Variants in CSNK2A1 observed in about 807,000 individuals in gnomAD.
CSNK2A1 encodes the protein casein kinase II subunit alpha.
CSNK2A1 carries 10 observed loss-of-function variants against 62.9 expected under a neutral mutation model. The observed-to-expected ratio is 0.16, with a 90% confidence interval of 0.10 to 0.27. The LOEUF (loss-of-function observed/expected upper bound fraction) is 0.27, where lower values mean the gene tolerates loss of function less well. Among genes scored for constraint, CSNK2A1 ranks in the 10% least tolerant of loss-of-function variants. CSNK2A1 has a pLI of 1.00. For synonymous variants in CSNK2A1, 124 were observed against 167.8 expected, an observed-to-expected ratio of 0.74 and a Z score of 2.02; for missense variants, 160 against 492.0, an observed-to-expected ratio of 0.33 and a Z score of 6.38.
At chr20:538,589 C>T (rs1317342060) in intron 1 of CSNK2A1, among the ~76,000 whole-genome samples, 1 of 152,132 alleles carries the variant, frequency 6.6e-6, no homozygotes, top group African/African-American at 2.4e-5. Flanking sequence ...TTCTTAAAAG[C>T]TAGAAACTCC....
chr20:529,965 C>T (rs1439861144), intron 1 of CSNK2A1, among the ~76,000 whole-genome samples: 3 of 152,132 alleles, frequency 2.0e-5, no homozygotes, highest in African/African-American at 7.2e-5. Flanking sequence ...TCCTATTTGG[C>T]TCACATATTA....
chr20:484,209 T>C, intron 13 of CSNK2A1, 133 bp from the exon 14 acceptor site: 2 of 692,774 alleles, frequency 2.9e-6, no homozygotes, highest in Non-Finnish European at 4.5e-6. Flanking sequence ...TTTTTACATA[T>C]ACTTCAAGTC....
In CSNK2A1 at chr20:475,139, A is replaced by G. The variant is rs2017822052; in HGVS notation, c.*8822T>C. On this transcript the variant is annotated 3_prime_UTR_variant, in exon 14 of 14. Coordinates refer to ENST00000217244, the MANE Select transcript of CSNK2A1 (RefSeq NM_177559.3). ...CATGGAGTCTCAAAGACTGATTCTC[A>G]ATTTTTGTTGCTTGAAAACAAGTAA... 1.3e-5 allele frequency: 2 copies of G among 152,122 alleles called. No homozygotes were observed. The highest frequency in any genetic ancestry group is 2.9e-5 in the Non-Finnish European group (2 of 68,030). 9.4% of individuals were successfully genotyped at this position (152,122 alleles called of 1,614,324 possible).
At chr20:515,118 G>A (rs1167672182) in intron 2 of CSNK2A1, among the ~76,000 whole-genome samples, 1 of 152,200 alleles carries the variant, frequency 6.6e-6, no homozygotes, top group Admixed American at 6.5e-5. Context: ...TTAGGGAGAA[G>A]GCTGTTAACA....
intron 2 of CSNK2A1, among the ~76,000 whole-genome samples, chr20:512,774 T>C (rs1323969792): frequency 6.6e-6 from 1 of 152,216 alleles, no homozygotes; most frequent in African/African-American, 2.4e-5. Flanking sequence ...GTAATTCAAG[T>C]ACCAAAAGTC....
At chr20:503,911 C>T (rs2018520126) in intron 4 of CSNK2A1, among the ~76,000 whole-genome samples, 1 of 152,238 alleles carries the variant, frequency 6.6e-6, no homozygotes, top group Admixed American at 6.5e-5. Flanking sequence ...GGCGCAGTGG[C>T]TCACGCCTGT....
intron 12 of CSNK2A1, 164 bp downstream of exon 12, chr20:487,263 A>C (rs2018120546): frequency 1.1e-6 from 1 of 895,868 alleles, no homozygotes; most frequent in African/African-American, 1.7e-5. Context: ...GAATTCTTCC[A>C]GTAATTCTGC....
At chr20:492,429 A>C (rs1827630220) in intron 8 of CSNK2A1, 65 bp from the exon 9 acceptor site, 4 of 1,493,832 alleles carry the variant, frequency 2.7e-6, no homozygotes, top group Non-Finnish European at 2.8e-6. Context: ...TGCCATTAGC[A>C]TACTCTTGAT....
At chr20:502,665 A>C (rs893952754) in intron 4 of CSNK2A1, 20 of 152,244 alleles carry the variant, frequency 1.3e-4, no homozygotes, top group Non-Finnish European at 2.4e-4. Flanking sequence ...ATCTTTCTAA[A>C]TCACCCTTCA....
At chr20:505,358 T>TTTTTG in intron 3 of CSNK2A1, 129 bp from the exon 4 acceptor site, 1 of 679,018 alleles carries the variant, frequency 1.5e-6, no homozygotes, top group African/African-American at 2.1e-5. Context: ...TAGGTTTTTT[T>TTTTTG]TTTTTTTTTT....
intron 9 of CSNK2A1, among the ~76,000 whole-genome samples, chr20:490,478 T>C (rs931686409): frequency 2.2e-4 from 31 of 143,254 alleles, no homozygotes; most frequent in Non-Finnish European, 3.8e-4. Context: ...TGATCTTGGC[T>C]CATTGCAACT....
In CSNK2A1 at chr20:475,447, T is replaced by TA. The variant is rs2017829119; in HGVS notation, c.*8513dup. 1 of 138,302 alleles carries TA rather than the reference T, an allele frequency of 7.2e-6. No individual in the cohort carries two copies. The highest frequency in any genetic ancestry group is 2.8e-5 in the African/African-American group (1 of 35,474). The allele number at this position is 138,302 out of a possible 1,614,324, so 8.6% of individuals were successfully genotyped here. On this transcript the variant is annotated 3_prime_UTR_variant, in exon 14 of 14. Coordinates refer to ENST00000217244, the MANE Select transcript of CSNK2A1 (RefSeq NM_177559.3). ...CGCACTCCAGCCTGGGTGACAGAGTTAAGACTCTGACTCAAAAAAAAAAAA... is the reference window on the plus strand; with the variant it reads ...CGCACTCCAGCCTGGGTGACAGAGTTAAAGACTCTGACTCAAAAAAAAAAAA...
chr20:527,402 A>G (rs1417059248), intron 2 of CSNK2A1, among the ~76,000 whole-genome samples: 3 of 152,208 alleles, frequency 2.0e-5, no homozygotes, highest in Non-Finnish European at 4.4e-5. Context: ...TTTTCAAAAC[A>G]TTTGTTTAAA....
In CSNK2A1 at chr20:484,039, A is replaced by T; in HGVS notation, c.1098T>A (p.Pro366=). ...SSVPTPSPLG[P]LAGSPVIAAA... ...CAGCAATCACTGGTGAGCCTGCCAGAGGTCCAAGGGGTGAAGGGGTTGGCA... is the reference window on the plus strand; with the variant it reads ...CAGCAATCACTGGTGAGCCTGCCAGTGGTCCAAGGGGTGAAGGGGTTGGCA... The change falls in exon 14 of 14, where the codon CCT becomes CCA. Residue 366 remains proline (P), a synonymous_variant. Coordinates refer to ENST00000217244, the MANE Select transcript of CSNK2A1 (RefSeq NM_177559.3). 1 of 1,611,930 alleles carries T rather than the reference A, an allele frequency of 6.2e-7. No homozygotes were observed. The highest frequency in any genetic ancestry group is 8.5e-7 in the Non-Finnish European group (1 of 1,179,074).
rs767035065 is a variant in CSNK2A1 at position 484,102 on chromosome 20, C to G, written c.1061-26G>C. ...CTGAAAGAAAAGAGCTGTCAGTGAG[C>G]CAAAGACACCAACCATGGCAATCTT... On this transcript the variant is annotated intron_variant, in intron 13 of 13. Transcript: ENST00000217244. 3.3e-6 allele frequency: 5 copies of G among 1,511,452 alleles called. No individual in the cohort carries two copies. The Admixed American group carries it at 6.7e-5, about 20-fold the overall frequency. The allele number at this position is 1,511,452 out of a possible 1,614,324, so 93.6% of individuals were successfully genotyped here.
At chr20:495,636 G>A (rs2018330602) in intron 8 of CSNK2A1, 83 bp downstream of exon 8, 5 of 1,204,834 alleles carry the variant, frequency 4.1e-6, no homozygotes, top group Non-Finnish European at 6.2e-6. Context: ...TAGGGCCTGT[G>A]ACAACACAAG....
intron 1 of CSNK2A1, chr20:540,938 G>A (rs1479288567): frequency 2.6e-5 from 4 of 152,172 alleles, no homozygotes; most frequent in Non-Finnish European, 5.9e-5. Flanking sequence ...GGTGGAAACT[G>A]GGAAATTCAC....
At chr20:505,661 CCATT>C (rs1568527445) in intron 3 of CSNK2A1, among the ~76,000 whole-genome samples, 1 of 135,994 alleles carries the variant, frequency 7.4e-6, no homozygotes, top group Non-Finnish European at 1.5e-5. Flanking sequence ...CGCGCCTGGC[CCATT>C]GTATTTTTTT....
intron 4 of CSNK2A1, among the ~76,000 whole-genome samples, chr20:503,964 G>A (rs1281732305): frequency 6.6e-6 from 1 of 152,202 alleles, no homozygotes; most frequent in Non-Finnish European, 1.5e-5. Flanking sequence ...GATCACCTGA[G>A]GTCAGGAGTT....
Sources: gnomAD v4.1 joint callset for allele counts (sites outside exome capture counted in the v4.1 genomes callset) on GRCh38, gnomAD v4.1.1 for gene constraint, MANE v1.5 for transcripts, NCBI Gene and HGNC (gene_info 2026-07-23, HGNC 2026-07-21) for gene names.